Variants in TRPC7 observed in about 807,000 individuals in gnomAD.
TRPC7 encodes the protein transient receptor potential cation channel subfamily C member 7.
A neutral mutation model predicts 90.1 loss-of-function variants in TRPC7; 42 were observed. The observed-to-expected ratio is 0.47, with a 90% CI of 0.36 to 0.60. The LOEUF (loss-of-function observed/expected upper bound fraction) is 0.60. TRPC7 is among the 20% of genes least tolerant of loss of function. The pLI, the probability that TRPC7 is intolerant of heterozygous loss-of-function variation, is 0.00. For missense variants in TRPC7, 955 were observed against 1,112.3 expected, an observed-to-expected ratio of 0.86 and a Z score of 2.01; for synonymous variants, 451 against 436.3, an observed-to-expected ratio of 1.03 and a Z score of -0.42.
At chr5:136,319,054 C>T (rs1212039254) in intron 2 of TRPC7, among the ~76,000 whole-genome samples, 1 of 152,176 alleles carries the variant, frequency 6.6e-6, no homozygotes, top group East Asian at 1.9e-4. Flanking sequence ...GTGCTGTAAA[C>T]TCACTACCTC....
At chr5:136,273,627 T>G (rs1316965503) in intron 4 of TRPC7, among the ~76,000 whole-genome samples, 1 of 152,126 alleles carries the variant, frequency 6.6e-6, no homozygotes, top group Non-Finnish European at 1.5e-5. Flanking sequence ...TACTCCTAAG[T>G]GGAGTTGACA....
At chr5:136,261,780 G>GA (rs1756864696) in intron 5 of TRPC7, among the ~76,000 whole-genome samples, 1 of 152,162 alleles carries the variant, frequency 6.6e-6, no homozygotes, top group Non-Finnish European at 1.5e-5. Flanking sequence ...TAAATGCATT[G>GA]ATATGTCCAA....
intron 3 of TRPC7, among the ~76,000 whole-genome samples, chr5:136,294,617 A>G (rs75008233): frequency 0.63 from 96,230 of 151,574 alleles, 31,238 homozygotes; most frequent in African/African-American, 0.78. Flanking sequence ...TTAGAATGGC[A>G]ATCATTAAAA....
At chr5:136,231,320 A>G in intron 8 of TRPC7, 34 bp downstream of exon 8, 2 of 1,541,070 alleles carry the variant, frequency 1.3e-6, no homozygotes, top group Non-Finnish European at 1.8e-6. Flanking sequence ...AATTAGATGA[A>G]GGAGAGCAAG....
intron 6 of TRPC7, among the ~76,000 whole-genome samples, chr5:136,250,888 T>C (rs550951536): frequency 3.3e-5 from 5 of 152,324 alleles, no homozygotes; most frequent in Admixed American, 1.3e-4. Flanking sequence ...TTTCAAATCA[T>C]GTCAGGCCAG....
intron 4 of TRPC7, among the ~76,000 whole-genome samples, chr5:136,270,926 T>C (rs1413019566): frequency 2.0e-5 from 3 of 152,204 alleles, no homozygotes; most frequent in Non-Finnish European, 2.9e-5. Context: ...AAAAATTGTG[T>C]TGTGATTTTC....
At chr5:136,289,276 G>A (rs963508444) in intron 3 of TRPC7, among the ~76,000 whole-genome samples, 2 of 152,200 alleles carry the variant, frequency 1.3e-5, no homozygotes, top group South Asian at 4.1e-4. Context: ...TGAGGTACTG[G>A]GTTCATCTCA....
In TRPC7 at chr5:136,231,566, G is replaced by T; in HGVS notation, c.1845-17C>A. On this transcript the variant is annotated splice_polypyrimidine_tract_variant and intron_variant, in intron 7 of 11. Coordinates refer to ENST00000513104, the MANE Select transcript of TRPC7 (RefSeq NM_020389.3). The stretch of plus-strand genomic sequence containing the variant: ...TCTTCAACCCTGCAAAGAAACAGAC[G>T]GTCCTTTTACGCAGTTTGCATCAGC... The T allele has an allele frequency of 6.4e-7, 1 of 1,572,086 alleles. No homozygotes were observed. Among genetic ancestry groups the T allele is most frequent in the Non-Finnish European group, 8.7e-7 (1 of 1,152,888 alleles).
chr5:136,275,952 G>A (rs1394104451), intron 3 of TRPC7, among the ~76,000 whole-genome samples: 2 of 152,184 alleles, frequency 1.3e-5, no homozygotes, highest in Non-Finnish European at 1.5e-5. Context: ...TTAGGGCCCA[G>A]CTCCACTCTA....
At chr5:136,340,558 A>T (rs1759814470) in intron 2 of TRPC7, among the ~76,000 whole-genome samples, 1 of 152,170 alleles carries the variant, frequency 6.6e-6, no homozygotes, top group Non-Finnish European at 1.5e-5. Context: ...ATATACCATA[A>T]ATATATACAC....
At chr5:136,283,158 G>A (rs570128657) in intron 3 of TRPC7, among the ~76,000 whole-genome samples, 2 of 152,218 alleles carry the variant, frequency 1.3e-5, no homozygotes, top group East Asian at 1.9e-4. Context: ...CCTCAGGGGC[G>A]AACTTTCTTC....
chr5:136,322,377 G>A (rs1759226384), intron 2 of TRPC7, among the ~76,000 whole-genome samples: 1 of 152,172 alleles, frequency 6.6e-6, no homozygotes, highest in Non-Finnish European at 1.5e-5. Flanking sequence ...TAAATGCCTA[G>A]GAGCGGGATT....
At chr5:136,248,265 A>G (rs890026751) in intron 6 of TRPC7, among the ~76,000 whole-genome samples, 2 of 152,236 alleles carry the variant, frequency 1.3e-5, no homozygotes, top group African/African-American at 2.4e-5. Flanking sequence ...TACTGGCCAC[A>G]TGACTCTGAG....
intron 3 of TRPC7, among the ~76,000 whole-genome samples, chr5:136,275,316 G>T (rs1340709029): frequency 6.6e-6 from 1 of 151,774 alleles, no homozygotes; most frequent in Admixed American, 6.6e-5. Context: ...TAACCTCTCT[G>T]AGCTTTAATA....
intron 10 of TRPC7, among the ~76,000 whole-genome samples, chr5:136,218,166 AAT>A (rs887370993): frequency 4.1e-5 from 6 of 146,318 alleles, no homozygotes; most frequent in African/African-American, 1.5e-4. Context: ...TAAAATATAT[AAT>A]ATATATCTCA....
chr5:136,251,396 AAC>A (rs1422109345), intron 6 of TRPC7, among the ~76,000 whole-genome samples: 1 of 152,214 alleles, frequency 6.6e-6, no homozygotes, highest in Non-Finnish European at 1.5e-5. Flanking sequence ...ATTCACCCTT[AAC>A]ACAAAAAGAT....
At chr5:136,213,678 A>G in intron 11 of TRPC7, 74 bp from the exon 12 acceptor site, 4 of 1,514,812 alleles carry the variant, frequency 2.6e-6, no homozygotes, top group Non-Finnish European at 3.6e-6. Context: ...ACATGTGGGC[A>G]TGTGCATCCT....
intron 8 of TRPC7, among the ~76,000 whole-genome samples, chr5:136,227,925 G>T (rs1197262336): frequency 6.6e-6 from 1 of 152,180 alleles, no homozygotes; most frequent in Non-Finnish European, 1.5e-5. Context: ...AATGTGATTT[G>T]CATCTCCATA....
intron 2 of TRPC7, among the ~76,000 whole-genome samples, chr5:136,331,266 T>A (rs1362076071): frequency 6.6e-6 from 1 of 152,190 alleles, no homozygotes; most frequent in African/African-American, 2.4e-5. Context: ...CCACAAAGTA[T>A]GCCTAAGCCA....
Sources: allele counts gnomAD v4.1 joint callset (sites outside exome capture counted in the v4.1 genomes callset), GRCh38; gene constraint gnomAD v4.1.1; transcripts MANE v1.5; gene names NCBI Gene and HGNC (gene_info 2026-07-23, HGNC 2026-07-21).